The following GLRA3 variants were observed in gnomAD, a reference collection of about 807,000 sequenced individuals.
The protein encoded by GLRA3 is glycine receptor alpha 3, also known as glycine receptor subunit alpha-3.
A neutral mutation model predicts 60.4 loss-of-function variants in GLRA3; 44 were observed. That is an observed-to-expected ratio of 0.73 (90% CI 0.57 to 0.94). GLRA3 has a LOEUF of 0.94. Among genes scored for constraint, GLRA3 ranks in the 40% least tolerant of loss-of-function variants. The pLI, the probability that GLRA3 is intolerant of heterozygous loss-of-function variation, is 0.00. For missense variants in GLRA3, 508 were observed against 564.6 expected (o/e 0.90, Z 1.02); for synonymous variants, 223 against 192.9 (o/e 1.16, Z -1.29).
At chr4:174,772,611 A>T (rs569934487) in intron 2 of GLRA3, among the ~76,000 whole-genome samples, 1 of 152,330 alleles carries the variant, frequency 6.6e-6, no homozygotes. Flanking sequence ...ATAACTTAAA[A>T]TTTTAAAATA....
At position 174,757,664 on chromosome 4, in the gene GLRA3, T is replaced by C. The variant is rs138966126; in HGVS notation, c.267+9299A>G. ...AGAGTCTATATTGATATGAATAAATTATTGTATAAATAAAAAATGGGAAGG... is the reference window on the plus strand; with the variant it reads ...AGAGTCTATATTGATATGAATAAATCATTGTATAAATAAAAAATGGGAAGG... On this transcript the variant is annotated intron_variant, in intron 3 of 9. Transcript: ENST00000274093. Among the ~76,000 whole-genome samples, 475 of 152,320 alleles carry C rather than the reference T, an allele frequency of 3.1e-3. 5 individuals are homozygous for C. The highest frequency in any genetic ancestry group is 0.011 in the African/African-American group (440 of 41,578).
intron 2 of GLRA3, among the ~76,000 whole-genome samples, chr4:174,771,112 T>G: frequency 6.7e-6 from 1 of 148,938 alleles, no homozygotes; most frequent in African/African-American, 2.5e-5. Context: ...TGGATAGCAT[T>G]AGGAGATATA....
Position 174,680,331 on chromosome 4 carries a change from A to G in GLRA3, c.712+2471T>C, listed in dbSNP as rs573869617. Among the ~76,000 whole-genome samples the G allele has an allele frequency of 1.3e-3, 200 of 152,318 alleles. 1 individual carries two copies. Among genetic ancestry groups the G allele is most frequent in the Non-Finnish European group, 2.2e-3 (153 of 68,030 alleles). On this transcript the variant is annotated intron_variant, in intron 6 of 9. Coordinates refer to ENST00000274093, the MANE Select transcript of GLRA3 (RefSeq NM_006529.4). The stretch of plus-strand genomic sequence containing the variant: ...GCATGGCAGCAGACCCCAGAAATAC[A>G]GTGATCAACAGAATAAATATAATAC...
intron 1 of GLRA3, among the ~76,000 whole-genome samples, chr4:174,791,136 A>T (rs1158079319): frequency 6.6e-6 from 1 of 152,106 alleles, no homozygotes; most frequent in Non-Finnish European, 1.5e-5. Context: ...GGATATATGT[A>T]TGTATAAAGA....
At chr4:174,801,918 CT>C (rs1329193138) in intron 1 of GLRA3, among the ~76,000 whole-genome samples, 1 of 151,958 alleles carries the variant, frequency 6.6e-6, no homozygotes, top group Non-Finnish European at 1.5e-5. Context: ...TATCTGCCTC[CT>C]TTGTAGGGTC....
intron 5 of GLRA3, among the ~76,000 whole-genome samples, chr4:174,697,322 T>C (rs1236990392): frequency 6.6e-6 from 1 of 152,152 alleles, no homozygotes; most frequent in African/African-American, 2.4e-5. Context: ...TTTGACCCAG[T>C]TTGCAAATGC....
At chr4:174,751,755 T>G (rs1737494848) in intron 3 of GLRA3, among the ~76,000 whole-genome samples, 1 of 151,962 alleles carries the variant, frequency 6.6e-6, no homozygotes, top group African/African-American at 2.4e-5. Context: ...CACATTATTT[T>G]CAAAGAGGAC....
intron 3 of GLRA3, among the ~76,000 whole-genome samples, chr4:174,733,020 C>A (rs1315677201): frequency 6.6e-6 from 1 of 152,056 alleles, no homozygotes; most frequent in Non-Finnish European, 1.5e-5. Context: ...AATTATACAT[C>A]ATCACATATA....
intron 4 of GLRA3, among the ~76,000 whole-genome samples, chr4:174,718,623 G>A (rs1013198353): frequency 4.6e-5 from 7 of 152,144 alleles, no homozygotes; most frequent in African/African-American, 1.7e-4. Flanking sequence ...GTATATAAAT[G>A]AGTATTTTTA....
chr4:174,667,863 A>T (rs962846400), intron 7 of GLRA3, among the ~76,000 whole-genome samples: 6 of 152,156 alleles, frequency 3.9e-5, no homozygotes, highest in South Asian at 4.2e-4. Flanking sequence ...AAGTCATTTG[A>T]CTTTGTGCTC....
intron 7 of GLRA3, among the ~76,000 whole-genome samples, chr4:174,660,317 T>C (rs916328665): frequency 2.0e-5 from 3 of 152,210 alleles, no homozygotes; most frequent in Admixed American, 2.0e-4. Flanking sequence ...TTGCCATATC[T>C]CTTTAGTTTT....
intron 1 of GLRA3, among the ~76,000 whole-genome samples, chr4:174,806,661 G>C (rs192555883): frequency 6.6e-6 from 1 of 151,958 alleles, no homozygotes; most frequent in Non-Finnish European, 1.5e-5. Flanking sequence ...GATGATTTAA[G>C]GTATGTGAGA....
intron 6 of GLRA3, among the ~76,000 whole-genome samples, chr4:174,678,887 C>T (rs1734230188): frequency 6.6e-6 from 1 of 152,106 alleles, no homozygotes; most frequent in Non-Finnish European, 1.5e-5. Flanking sequence ...AAATAACTCA[C>T]TAAGTAATCC....
chr4:174,804,007 T>A (rs1319899951), intron 1 of GLRA3, among the ~76,000 whole-genome samples: 2 of 152,208 alleles, frequency 1.3e-5, no homozygotes, highest in Admixed American at 6.5e-5. Context: ...TTTGGTTTTT[T>A]ATAGCCCAAC....
intron 9 of GLRA3, among the ~76,000 whole-genome samples, chr4:174,656,039 G>C (rs1380155553): frequency 6.6e-6 from 1 of 152,006 alleles, no homozygotes; most frequent in Non-Finnish European, 1.5e-5. Context: ...GACTTCTCAG[G>C]CTAAATTCTT....
At chr4:174,721,516 T>G (rs1736128350) in intron 4 of GLRA3, among the ~76,000 whole-genome samples, 1 of 151,308 alleles carries the variant, frequency 6.6e-6, no homozygotes, top group African/African-American at 2.4e-5. Flanking sequence ...TGTTACAAAT[T>G]TCATAAAATT....
chr4:174,649,395 A>G (rs1732950201), intron 9 of GLRA3, among the ~76,000 whole-genome samples: 3 of 152,160 alleles, frequency 2.0e-5, no homozygotes, highest in Admixed American at 1.3e-4. Flanking sequence ...AACCAAATGT[A>G]TGATTGGAAA....
intron 3 of GLRA3, among the ~76,000 whole-genome samples, chr4:174,740,308 G>A (rs1579533912): frequency 6.6e-6 from 1 of 152,222 alleles, no homozygotes; most frequent in Admixed American, 6.5e-5. Flanking sequence ...CTCTTGAAGC[G>A]CTCTGAGACA....
rs1732648014 is a variant in GLRA3, at chr4:174,642,422, C to T, written c.*1364G>A. On this transcript the variant is annotated 3_prime_UTR_variant, in exon 10 of 10. Coordinates refer to ENST00000274093, the MANE Select transcript of GLRA3 (RefSeq NM_006529.4). ...AAAATACCTAAAAAGCATTCCAAAG[C>T]TTTTCCAAATAAATTTATGGTAAAA... 26 of 968,460 alleles carry T rather than the reference C, an allele frequency of 2.7e-5. No homozygotes were observed. The highest frequency in any genetic ancestry group is 3.1e-5 in the Non-Finnish European group (25 of 814,690). The allele number at this position is 968,460 out of a possible 1,614,324, so 60.0% of individuals were successfully genotyped here.
Sources: gnomAD v4.1 joint callset for allele counts (sites outside exome capture counted in the v4.1 genomes callset) on GRCh38, gnomAD v4.1.1 for gene constraint, MANE v1.5 for transcripts, NCBI Gene and HGNC (gene_info 2026-07-23, HGNC 2026-07-21) for gene names.